The following ALPK1 variants were observed in gnomAD, a reference collection of about 807,000 sequenced individuals.
ALPK1 encodes alpha kinase 1, also known as alpha-protein kinase 1.
A neutral mutation model predicts 120.6 loss-of-function variants in ALPK1; 110 were observed. The observed-to-expected ratio is 0.91, with a 90% CI of 0.78 to 1.07. The LOEUF is 1.07. Ranked by LOEUF, ALPK1 falls within the 50% of genes least tolerant of loss-of-function variation. The probability of loss-of-function intolerance (pLI) is 0.00; values close to 1 mark genes in which losing one functional copy is unlikely to be tolerated. For missense variants in ALPK1, 1,498 were observed against 1,483.9 expected (o/e 1.01, Z -0.16); for synonymous variants, 582 against 560.3 (o/e 1.04, Z -0.55).
At position 112,439,841 on chromosome 4, in the gene ALPK1, T is replaced by C; in HGVS notation, c.3507T>C (p.Ser1169=). The C allele has an allele frequency of 6.2e-7, 1 of 1,610,804 alleles. No individual in the cohort carries two copies. Among genetic ancestry groups the C allele is most frequent in the Non-Finnish European group, 8.5e-7 (1 of 1,179,260 alleles). Residue 1169 remains serine, a synonymous_variant, in exon 14 of 16, where the codon TCT becomes TCC. Coordinates refer to ENST00000650871, the MANE Select transcript of ALPK1 (RefSeq NM_025144.4). ...ATGGCCATTTTTCTTATGAGTTTTCTAATCATAGAGATGTTGTGGTCGATT... is the reference window on the plus strand; with the variant it reads ...ATGGCCATTTTTCTTATGAGTTTTCCAATCATAGAGATGTTGTGGTCGATT... ...LAYGHFSYEF[S]NHRDVVVDLQ...
chr4:112,428,719 C>T (rs1010019928), intron 9 of ALPK1, among the ~76,000 whole-genome samples: 11 of 152,198 alleles, frequency 7.2e-5, no homozygotes, highest in Non-Finnish European at 1.6e-4. Flanking sequence ...CTTGAGGGCT[C>T]ACTGTCTGCT....
chr4:112,421,176 A>G (rs1260689515), intron 5 of ALPK1, among the ~76,000 whole-genome samples: 1 of 152,182 alleles, frequency 6.6e-6, no homozygotes, highest in African/African-American at 2.4e-5. Flanking sequence ...CTCCATGCCT[A>G]TAGAAAGTTT....
intron 2 of ALPK1, among the ~76,000 whole-genome samples, chr4:112,342,070 A>T (rs1469640860): frequency 2.6e-5 from 4 of 152,210 alleles, no homozygotes; most frequent in African/African-American, 9.6e-5. Flanking sequence ...TAAAAAAATC[A>T]TACAGAGAAG....
chr4:112,334,902 A>G (rs17044440), intron 2 of ALPK1, among the ~76,000 whole-genome samples: 2,070 of 152,322 alleles, frequency 0.014, 51 homozygotes, highest in African/African-American at 0.047. Context: ...ATTGGATAAC[A>G]AAGGTCTTGG....
At chr4:112,390,595 G>GATGA (rs1333165546) in intron 4 of ALPK1, among the ~76,000 whole-genome samples, 1 of 152,150 alleles carries the variant, frequency 6.6e-6, no homozygotes, top group Non-Finnish European at 1.5e-5. Context: ...TGGATGGATG[G>GATGA]ATGATGGATG....
At chr4:112,320,549 T>C (rs1031394901) in intron 2 of ALPK1, among the ~76,000 whole-genome samples, 7 of 152,200 alleles carry the variant, frequency 4.6e-5, no homozygotes, top group Admixed American at 4.6e-4. Flanking sequence ...TAGGATGATA[T>C]TGACTTTATA....
At chr4:112,429,854 AG>A (rs1401801109) in intron 10 of ALPK1, among the ~76,000 whole-genome samples, 2,971 of 41,192 alleles carry the variant, frequency 0.072, 189 homozygotes, top group East Asian at 0.41. Flanking sequence ...AAAAAAAAAA[AG>A]AAAAGAAAAG....
chr4:112,420,403 T>C (rs7664069), intron 5 of ALPK1, among the ~76,000 whole-genome samples: 48,442 of 151,998 alleles, frequency 0.32, 8,156 homozygotes, highest in Non-Finnish European at 0.37. Context: ...AATACACTCA[T>C]TCCTCCCTCA....
In ALPK1 at chr4:112,383,330, G is replaced by T. The variant is rs543152839; in HGVS notation, c.276+778G>T. 2.0e-4 allele frequency: 30 copies of T among 151,630 alleles called. No homozygotes were observed. In the East Asian group the frequency reaches 5.6e-3, roughly 28 times the overall value. The allele number at this position is 151,630 out of a possible 1,614,324, so 9.4% of individuals were successfully genotyped here. ...TCTCAAATAAAAAATATATTTGTTAGGCATTAAAGCATGACAATATCCTAA... is the reference window on the plus strand; with the variant it reads ...TCTCAAATAAAAAATATATTTGTTATGCATTAAAGCATGACAATATCCTAA... On this transcript the variant is annotated intron_variant, in intron 4 of 15. Transcript: ENST00000650871.
intron 12 of ALPK1, among the ~76,000 whole-genome samples, chr4:112,436,465 G>T (rs528940301): frequency 1.3e-5 from 2 of 152,338 alleles, no homozygotes; most frequent in African/African-American, 4.8e-5. Flanking sequence ...TTACTTGGAA[G>T]TAGAGGGATT....
In ALPK1 at chr4:112,429,167, G is replaced by C; in HGVS notation, c.814G>C (p.Asp272His). ...QINLSLLKEF[D>H]HHLLSAAEAC... ...CTCACAGAGCCTGCTGAAGGAGTTT[G>C]ACCACCATTTGCTGTCCGCTGCAGA... is the stretch of plus-strand genomic sequence containing the variant. Residue 272 changes from aspartate (D) to histidine (H), a missense_variant, in exon 10 of 16, where the codon GAC becomes CAC. By Grantham distance (81) the Asp-to-His change is moderately conservative. Transcript: ENST00000650871. The C allele has an allele frequency of 6.2e-7, 1 of 1,613,392 alleles. No individual in the cohort carries two copies. Among genetic ancestry groups the C allele is most frequent in the Non-Finnish European group, 8.5e-7 (1 of 1,179,968 alleles).
intron 2 of ALPK1, among the ~76,000 whole-genome samples, chr4:112,361,153 AC>A (rs1459842424): frequency 2.0e-5 from 3 of 152,046 alleles, no homozygotes; most frequent in African/African-American, 7.3e-5. Flanking sequence ...ACATTTGTGA[AC>A]TTTTACTCCA....
intron 2 of ALPK1, among the ~76,000 whole-genome samples, chr4:112,370,122 A>T (rs559436735): frequency 6.6e-6 from 1 of 152,314 alleles, no homozygotes; most frequent in South Asian, 2.1e-4. Context: ...TGCTAAAAGA[A>T]ATGGAGCTTT....
intron 4 of ALPK1, chr4:112,383,399 A>T (rs1164985194): frequency 6.6e-6 from 1 of 152,096 alleles, no homozygotes. Flanking sequence ...TTTTTGAGTC[A>T]TCCCAAAATA....
At chr4:112,426,213 T>A in intron 7 of ALPK1, 1 of 254,416 alleles carries the variant, frequency 3.9e-6, no homozygotes, top group Non-Finnish European at 7.3e-6. Flanking sequence ...TGTAAAAAAC[T>A]GAGATAACTA....
chr4:112,432,285 AGCCTGGAAACAT>A lies in ALPK1; in HGVS notation c.2741_2752del (p.Pro914_Met917del). The A allele has an allele frequency of 6.2e-7, 1 of 1,614,258 alleles. No homozygotes were observed. The highest frequency in any genetic ancestry group is 2.2e-5 in the East Asian group (1 of 44,892). On this transcript the variant is annotated inframe_deletion, in exon 11 of 16. Coordinates refer to ENST00000650871, the MANE Select transcript of ALPK1 (RefSeq NM_025144.4). The stretch of plus-strand genomic sequence containing the variant: ...TGCACTACCACAGAGGAAGGAAATC[AGCCTGGAAACAT>A]GCTAAACTGCAGCCAGAACTCCAGC...
intron 4 of ALPK1, among the ~76,000 whole-genome samples, chr4:112,400,942 G>A (rs961535773): frequency 6.6e-6 from 1 of 152,194 alleles, no homozygotes; most frequent in African/African-American, 2.4e-5. Context: ...CAGAAGGGAG[G>A]TGAGAGTGAG....
intron 2 of ALPK1, chr4:112,357,972 C>T: frequency 1.4e-6 from 1 of 703,642 alleles, no homozygotes; most frequent in Non-Finnish European, 2.6e-6. Context: ...ACCGGCGCCA[C>T]CTTCCTGGCG....
At chr4:112,303,518 T>C (rs1326828309) in intron 1 of ALPK1, among the ~76,000 whole-genome samples, 2 of 152,342 alleles carry the variant, frequency 1.3e-5, no homozygotes, top group East Asian at 3.9e-4. Context: ...CTTTTGAATC[T>C]ACCATATCGA....
Sources: allele counts gnomAD v4.1 joint callset (sites outside exome capture counted in the v4.1 genomes callset), GRCh38; gene constraint gnomAD v4.1.1; transcripts MANE v1.5; gene names NCBI Gene and HGNC (gene_info 2026-07-23, HGNC 2026-07-21).